Variants in GRID2 observed in about 807,000 individuals in gnomAD.
GRID2 encodes the protein glutamate ionotropic receptor delta type subunit 2, also known as glutamate receptor ionotropic, delta-2.
In GRID2, 33 loss-of-function variants were observed where a neutral mutation model predicts 114.8. The ratio of observed to expected loss-of-function variants is 0.29; its 90% CI spans 0.22 to 0.38. The LOEUF is 0.38. Ranked by LOEUF, GRID2 falls within the 10% of genes least tolerant of loss-of-function variation. GRID2 has a pLI of 1.00. For synonymous variants in GRID2, 505 were observed against 449.9 expected (o/e 1.12, Z -1.55); for missense variants, 1,184 against 1,257.7 (o/e 0.94, Z 0.89).
intron 2 of GRID2, among the ~76,000 whole-genome samples, chr4:92,698,638 A>T (rs1336542241): frequency 1.1e-4 from 16 of 146,898 alleles, no homozygotes; most frequent in Admixed American, 1.0e-3. Context: ...TCTTGCCTTT[A>T]AAAAAAAAAG....
At chr4:92,483,516 G>A (rs891175386) in intron 1 of GRID2, among the ~76,000 whole-genome samples, 1 of 152,070 alleles carries the variant, frequency 6.6e-6, no homozygotes, top group Admixed American at 6.6e-5. Flanking sequence ...GTTGGGAAAA[G>A]CAATAAAGCT....
chr4:93,694,076 T>C (rs1051568977), intron 14 of GRID2, among the ~76,000 whole-genome samples: 1 of 152,162 alleles, frequency 6.6e-6, no homozygotes, highest in Non-Finnish European at 1.5e-5. Context: ...CGGAAAAGAA[T>C]AGGGCTAAAA....
At chr4:92,326,999 A>C (rs1181986795) in intron 1 of GRID2, among the ~76,000 whole-genome samples, 1 of 151,654 alleles carries the variant, frequency 6.6e-6, no homozygotes, top group African/African-American at 2.4e-5. Flanking sequence ...GATCCAGGTT[A>C]CTCCACACAT....
intron 8 of GRID2, among the ~76,000 whole-genome samples, chr4:93,244,592 CTATTATAT>C (rs1747973869): frequency 7.3e-5 from 2 of 27,316 alleles, no homozygotes; most frequent in African/African-American, 1.5e-4. Context: ...ATTATATAAT[CTATTATAT>C]ATTAATTAAT....
At chr4:93,533,940 G>A (rs1731763165) in intron 13 of GRID2, among the ~76,000 whole-genome samples, 1 of 152,036 alleles carries the variant, frequency 6.6e-6, no homozygotes, top group Non-Finnish European at 1.5e-5. Flanking sequence ...TAGCTTGCAA[G>A]GCTGAATATG....
intron 13 of GRID2, among the ~76,000 whole-genome samples, chr4:93,547,008 C>G (rs563080277): frequency 2.6e-5 from 4 of 152,062 alleles, no homozygotes; most frequent in Non-Finnish European, 4.4e-5. Flanking sequence ...TTGCCGTCAA[C>G]AAAGCCCATC....
intron 15 of GRID2, among the ~76,000 whole-genome samples, chr4:93,771,161 G>T (rs1157353589): frequency 1.3e-5 from 2 of 152,100 alleles, no homozygotes; most frequent in East Asian, 3.9e-4. Context: ...TAATAACAAG[G>T]ATAATTTTAT....
At chr4:93,156,949 G>A (rs1248989377) in intron 4 of GRID2, among the ~76,000 whole-genome samples, 1 of 151,752 alleles carries the variant, frequency 6.6e-6, no homozygotes, top group Non-Finnish European at 1.5e-5. Context: ...GTGAGGAATA[G>A]AAACTCAAGT....
At chr4:93,099,536 G>T (rs1731523036) in intron 3 of GRID2, among the ~76,000 whole-genome samples, 1 of 151,662 alleles carries the variant, frequency 6.6e-6, no homozygotes, top group Admixed American at 6.6e-5. Context: ...AAATATCTTA[G>T]CATGGAAATG....
rs781192229 is a variant in GRID2, at chr4:92,647,813, C to G, written c.244+57527C>G. Among the ~76,000 whole-genome samples, 6 of 149,628 alleles carry G rather than the reference C, an allele frequency of 4.0e-5. 1 individual carries two copies. Among genetic ancestry groups the G allele is most frequent in the Non-Finnish European group, 7.4e-5 (5 of 67,550 alleles). On this transcript the variant is annotated intron_variant, in intron 2 of 15. Transcript: ENST00000282020. ...TACTTAACAAATTTAACATGTATGTCTGAACCCAGTTTCACTCTGGAACCA... is the reference window on the plus strand; with the variant it reads ...TACTTAACAAATTTAACATGTATGTGTGAACCCAGTTTCACTCTGGAACCA...
At chr4:92,363,819 C>CTTTTTT (rs11342142) in intron 1 of GRID2, among the ~76,000 whole-genome samples, 1 of 124,096 alleles carries the variant, frequency 8.1e-6, no homozygotes, top group African/African-American at 3.0e-5. Flanking sequence ...ATTAAGTTTA[C>CTTTTTT]TTTTTTTTTT....
intron 2 of GRID2, among the ~76,000 whole-genome samples, chr4:92,820,117 G>A (rs1376952092): frequency 6.6e-6 from 1 of 152,026 alleles, no homozygotes; most frequent in Non-Finnish European, 1.5e-5. Context: ...CTTCTCATTT[G>A]GTTCTGCCCA....
chr4:93,589,647 G>C (rs1249952295), intron 13 of GRID2, among the ~76,000 whole-genome samples: 5 of 151,718 alleles, frequency 3.3e-5, no homozygotes, highest in African/African-American at 1.2e-4. Context: ...CACAATGGTT[G>C]AACTAGTTGA....
intron 4 of GRID2, among the ~76,000 whole-genome samples, chr4:93,134,972 CT>C (rs1233588320): frequency 6.6e-6 from 1 of 152,064 alleles, no homozygotes; most frequent in Non-Finnish European, 1.5e-5. Flanking sequence ...GCTAATTCAG[CT>C]TTCCTATATT....
At chr4:93,437,360 C>T (rs956785577) in intron 10 of GRID2, among the ~76,000 whole-genome samples, 1 of 152,098 alleles carries the variant, frequency 6.6e-6, no homozygotes, top group Non-Finnish European at 1.5e-5. Flanking sequence ...CATCCAAGTG[C>T]TTAACTCCTT....
intron 8 of GRID2, among the ~76,000 whole-genome samples, chr4:93,359,269 A>T (rs1761645625): frequency 6.8e-6 from 1 of 147,262 alleles, no homozygotes; most frequent in Admixed American, 6.8e-5. Flanking sequence ...CAATTTTTTC[A>T]TTTTTTTTTT....
chr4:93,060,784 G>A (rs1727711353), intron 2 of GRID2, among the ~76,000 whole-genome samples: 1 of 152,086 alleles, frequency 6.6e-6, no homozygotes, highest in South Asian at 2.1e-4. Flanking sequence ...AAGTTTGAAA[G>A]TATGTTATGC....
At chr4:93,029,815 C>T (rs545425610) in intron 2 of GRID2, among the ~76,000 whole-genome samples, 1 of 152,204 alleles carries the variant, frequency 6.6e-6, no homozygotes, top group South Asian at 2.1e-4. Context: ...TGATTAGCTT[C>T]TTCTGCCCAG....
chr4:93,171,844 G>A (rs991540320), intron 4 of GRID2, among the ~76,000 whole-genome samples: 15 of 152,130 alleles, frequency 9.9e-5, no homozygotes, highest in Admixed American at 2.0e-4. Context: ...GCACACTCAA[G>A]TTCATAGTTC....
Sources: gnomAD v4.1 joint callset for allele counts (sites outside exome capture counted in the v4.1 genomes callset) on GRCh38, gnomAD v4.1.1 for gene constraint, MANE v1.5 for transcripts, NCBI Gene and HGNC (gene_info 2026-07-23, HGNC 2026-07-21) for gene names.